The following MVB12B variants were observed in gnomAD, a reference collection of about 807,000 sequenced individuals.
MVB12B encodes the protein ESCRT-I complex subunit MVB12B.
A neutral mutation model predicts 41.6 loss-of-function variants in MVB12B; 16 were observed. That is an observed-to-expected ratio of 0.38 (90% CI 0.26 to 0.58). The LOEUF (loss-of-function observed/expected upper bound fraction) is 0.58. Ranked by LOEUF, MVB12B falls within the 20% of genes least tolerant of loss-of-function variation. The pLI, the probability that MVB12B is intolerant of heterozygous loss-of-function variation, is 0.62. For synonymous variants in MVB12B, 133 were observed against 139.7 expected, an observed-to-expected ratio of 0.95 and a Z score of 0.34; for missense variants, 274 against 380.2, an observed-to-expected ratio of 0.72 and a Z score of 2.32.
chr9:126,366,291 G>T lies in MVB12B; in HGVS notation c.205-14773G>T, dbSNP rs192498035. 3.4e-3 allele frequency among the ~76,000 whole-genome samples: 517 copies of T among 151,848 alleles called. 1 individual carries two copies. The highest frequency in any genetic ancestry group is 0.01 in the Middle Eastern group (3 of 294). The stretch of plus-strand genomic sequence containing the variant: ...TAACTCAGTGGCTCTTTCCTAATCC[G>T]TATTCTTCTCAACCTCATCTCTACT... On this transcript the variant is annotated intron_variant, in intron 2 of 9. Transcript: ENST00000361171.
At chr9:126,412,136 A>T (rs1831669546) in intron 6 of MVB12B, among the ~76,000 whole-genome samples, 1 of 152,200 alleles carries the variant, frequency 6.6e-6, no homozygotes, top group Admixed American at 6.5e-5. Context: ...GAAGGTGCTT[A>T]TTAAAATGCC....
chr9:126,399,344 A>G (rs755374240), intron 6 of MVB12B, among the ~76,000 whole-genome samples: 2 of 152,160 alleles, frequency 1.3e-5, no homozygotes, highest in African/African-American at 4.8e-5. Context: ...CTGCCTGCCT[A>G]TGTCATGCAC....
At chr9:126,356,694 T>C (rs1829889422) in intron 2 of MVB12B, among the ~76,000 whole-genome samples, 1 of 152,042 alleles carries the variant, frequency 6.6e-6, no homozygotes, top group South Asian at 2.1e-4. Flanking sequence ...TGGGAGGTGA[T>C]TGGATCACGA....
intron 3 of MVB12B, among the ~76,000 whole-genome samples, chr9:126,383,441 G>A (rs1830688019): frequency 6.6e-6 from 1 of 152,144 alleles, no homozygotes; most frequent in African/African-American, 2.4e-5. Context: ...TAATAATAAT[G>A]TACATAGATT....
chr9:126,431,248 C>T (rs79684972), intron 7 of MVB12B, among the ~76,000 whole-genome samples: 2 of 152,182 alleles, frequency 1.3e-5, no homozygotes, highest in Admixed American at 6.5e-5. Flanking sequence ...CCCTGGAAGC[C>T]GAGACATTCT....
In MVB12B at chr9:126,480,275, CCT is replaced by C. The variant is rs1301545723; in HGVS notation, c.758-1093_758-1092del. 3.9e-5 allele frequency among the ~76,000 whole-genome samples: 6 copies of C among 152,188 alleles called. No individual in the cohort carries two copies. Among genetic ancestry groups the C allele is most frequent in the Non-Finnish European group, 5.9e-5 (4 of 68,042 alleles). On this transcript the variant is annotated intron_variant, in intron 7 of 9. Transcript: ENST00000361171. This position sits in a 1 kb window ranked among gnomAD's most constrained non-coding sequence, Gnocchi z 4.9. ...CTGCATGTTCCCGACTCTTCCCAGACCTAAGGGAGAAGCCAACACTGGAAAGG... is the reference window on the plus strand; with the variant it reads ...CTGCATGTTCCCGACTCTTCCCAGACAAGGGAGAAGCCAACACTGGAAAGG...
chr9:126,506,015 G>T lies in MVB12B; in HGVS notation c.*2752G>T, dbSNP rs1374407303. ...TCCCCTTTCTCTCTGGAAAGTTGAA[G>T]TATCTCCAAAGGCCTTGGAAATGGC... is the stretch of plus-strand genomic sequence containing the variant. On this transcript the variant is annotated 3_prime_UTR_variant, in exon 10 of 10. Transcript: ENST00000361171. 6.6e-6 allele frequency: 1 copy of T among 152,240 alleles called. No homozygotes were observed. The highest frequency in any genetic ancestry group is 1.5e-5 in the Non-Finnish European group (1 of 68,082). The allele number at this position is 152,240 out of a possible 1,614,324, so 9.4% of individuals were successfully genotyped here.
chr9:126,440,627 T>A (rs1832608680), intron 7 of MVB12B, among the ~76,000 whole-genome samples: 1 of 152,084 alleles, frequency 6.6e-6, no homozygotes, highest in African/African-American at 2.4e-5. Flanking sequence ...GCCCCACTTC[T>A]AAACGTGTAG....
intron 7 of MVB12B, among the ~76,000 whole-genome samples, chr9:126,434,818 C>T (rs531945918): frequency 7.2e-5 from 11 of 152,268 alleles, no homozygotes; most frequent in East Asian, 1.9e-4. Flanking sequence ...GCTTGGTTTC[C>T]GAGTTCTAAG....
intron 7 of MVB12B, among the ~76,000 whole-genome samples, chr9:126,466,287 A>G (rs1349854285): frequency 3.3e-5 from 5 of 152,164 alleles, no homozygotes; most frequent in African/African-American, 1.2e-4. Flanking sequence ...CTCAGGCTCC[A>G]GGAGGCTTCT....
At chr9:126,467,282 A>G (rs571578925) in intron 7 of MVB12B, among the ~76,000 whole-genome samples, 34 of 152,230 alleles carry the variant, frequency 2.2e-4, no homozygotes, top group Non-Finnish European at 4.3e-4. Context: ...TTTTCTCATA[A>G]TAAGATCTGT....
intron 2 of MVB12B, among the ~76,000 whole-genome samples, chr9:126,379,094 G>A (rs1165010809): frequency 2.0e-5 from 3 of 152,170 alleles, no homozygotes; most frequent in East Asian, 1.9e-4. Flanking sequence ...GCCTTGGAGC[G>A]TCCTGCAGAC....
intron 6 of MVB12B, chr9:126,396,080 GA>G: frequency 9.9e-7 from 1 of 1,014,860 alleles, no homozygotes; most frequent in Non-Finnish European, 1.2e-6. Flanking sequence ...TGAAACCCAG[GA>G]GGGTAGGTGA....
intron 9 of MVB12B, among the ~76,000 whole-genome samples, chr9:126,490,799 T>C (rs1297945983): frequency 6.6e-6 from 1 of 152,246 alleles, no homozygotes; most frequent in South Asian, 2.1e-4. Context: ...CTTACAGTTT[T>C]AATTTTATAC....
intron 6 of MVB12B, chr9:126,396,546 G>A (rs1046201721): frequency 2.0e-5 from 20 of 985,480 alleles, no homozygotes; most frequent in Non-Finnish European, 2.4e-5. Context: ...TCACCAGTAG[G>A]TCTTCCTGGG....
chr9:126,466,532 C>T (rs755844982), intron 7 of MVB12B, among the ~76,000 whole-genome samples: 8 of 152,144 alleles, frequency 5.3e-5, no homozygotes, highest in Non-Finnish European at 1.0e-4. Context: ...GTGACATGAC[C>T]GCGTAGGTGA....
intron 7 of MVB12B, among the ~76,000 whole-genome samples, chr9:126,453,470 T>C (rs1367895374): frequency 6.6e-6 from 1 of 152,180 alleles, no homozygotes; most frequent in Admixed American, 6.5e-5. Context: ...ATACCTGAGG[T>C]TGGAGGTCCT....
chr9:126,377,157 A>G (rs1164982754), intron 2 of MVB12B, among the ~76,000 whole-genome samples: 1 of 152,268 alleles, frequency 6.6e-6, no homozygotes, highest in East Asian at 1.9e-4. Flanking sequence ...GAGATAAACC[A>G]TGTGTACATT....
intron 6 of MVB12B, among the ~76,000 whole-genome samples, chr9:126,410,262 T>C (rs1026118476): frequency 6.6e-6 from 1 of 152,152 alleles, no homozygotes; most frequent in Admixed American, 6.5e-5. Flanking sequence ...TGGAGTTGCA[T>C]TGGTCGTGGC....
Sources: allele counts gnomAD v4.1 joint callset (sites outside exome capture counted in the v4.1 genomes callset), GRCh38; gene constraint gnomAD v4.1.1; non-coding constraint Gnocchi (gnomAD v3.1); transcripts MANE v1.5; gene names NCBI Gene and HGNC (gene_info 2026-07-23, HGNC 2026-07-21).